SLC14A2: variants seen among roughly 807,000 people sequenced by gnomAD.
SLC14A2 encodes urea transporter 2.
Under a neutral mutation model 104.6 loss-of-function variants are expected in SLC14A2, and 91 were observed. That is an observed-to-expected ratio of 0.87 (90% CI 0.73 to 1.04). The LOEUF (loss-of-function observed/expected upper bound fraction) is 1.04, where lower values mean the gene tolerates loss of function less well. Ranked by LOEUF, SLC14A2 falls within the 50% of genes least tolerant of loss-of-function variation. The probability of loss-of-function intolerance (pLI) is 0.00; values close to 1 mark genes in which losing one functional copy is unlikely to be tolerated. For synonymous variants in SLC14A2, 476 were observed against 466.4 expected (o/e 1.02, Z -0.27); for missense variants, 1,189 against 1,156.0 (o/e 1.03, Z -0.41).
rs527312481 is a variant in SLC14A2, at chr18:45,561,247, C to T, written c.-34-63384C>T. Among the ~76,000 whole-genome samples, 3 of 152,204 alleles carry T rather than the reference C, an allele frequency of 2.0e-5. No homozygotes were observed. The South Asian group carries it at 6.2e-4, about 32-fold the overall frequency. ...AGGAGGGTGAATGAAGGCAACGTGCCTGTCGGGGAGCCAGCTGAAAATCCA... is the reference window on the plus strand; with the variant it reads ...AGGAGGGTGAATGAAGGCAACGTGCTTGTCGGGGAGCCAGCTGAAAATCCA... On this transcript the variant is annotated intron_variant, in intron 2 of 20. Transcript: ENST00000586448.
At chr18:45,178,476 A>C in the SLC14A2 span, among the ~76,000 whole-genome samples, 1 of 152,180 alleles carries the variant, frequency 6.6e-6, no homozygotes, top group East Asian at 1.9e-4. Flanking sequence ...AATTTAGAGA[A>C]CACCTGAGAA....
chr18:45,285,664 C>T (rs1489397281), intron 1 of SLC14A2, among the ~76,000 whole-genome samples: 1 of 66,684 alleles, frequency 1.5e-5, no homozygotes, highest in South Asian at 5.6e-4. Flanking sequence ...GTGATCTGCC[C>T]CCCCCCCCCC....
the SLC14A2 span, among the ~76,000 whole-genome samples, chr18:45,183,906 A>ATTTT: frequency 1.5e-3 from 97 of 62,726 alleles, 9 homozygotes; most frequent in African/African-American, 4.1e-3. Context: ...TAATTTTCTA[A>ATTTT]TTTTTTTTTT....
intron 2 of SLC14A2, among the ~76,000 whole-genome samples, chr18:45,498,988 T>A (rs1193377514): frequency 6.6e-6 from 1 of 152,202 alleles, no homozygotes; most frequent in Non-Finnish European, 1.5e-5. Context: ...CTGTAACCAT[T>A]ACTTGGACCC....
intron 2 of SLC14A2, chr18:45,542,410 A>G (rs759738835): frequency 2.0e-5 from 3 of 152,124 alleles, no homozygotes; most frequent in Non-Finnish European, 2.9e-5. Context: ...TGGCAAAAAA[A>G]TGGAGAAATG....
At chr18:45,360,738 C>G (rs905302033) in intron 1 of SLC14A2, among the ~76,000 whole-genome samples, 1 of 152,204 alleles carries the variant, frequency 6.6e-6, no homozygotes, top group African/African-American at 2.4e-5. Flanking sequence ...CGCTCATGAT[C>G]CTTATCTTTT....
chr18:45,674,009 C>T (rs1341064913), intron 18 of SLC14A2, among the ~76,000 whole-genome samples, 192 bp downstream of exon 18: 4 of 152,186 alleles, frequency 2.6e-5, no homozygotes, highest in Admixed American at 1.3e-4. Context: ...CCTGTGATTG[C>T]TACTCTCCTG....
intron 10 of SLC14A2, among the ~76,000 whole-genome samples, chr18:45,660,430 A>G (rs144178211): frequency 5.8e-4 from 89 of 152,332 alleles, no homozygotes; most frequent in African/African-American, 1.8e-3. Flanking sequence ...CTCCCTCAGG[A>G]GATACCAAAT....
chr18:45,247,439 C>T (rs2084377739), intron 1 of SLC14A2, among the ~76,000 whole-genome samples: 1 of 152,170 alleles, frequency 6.6e-6, no homozygotes, highest in South Asian at 2.1e-4. Flanking sequence ...ACCTAAACAT[C>T]CTTGGGTTCT....
chr18:45,665,688 C>CTTTTTTTTTTTTTTTTTT lies in SLC14A2; in HGVS notation c.1475-438_1475-421dup, dbSNP rs146248418. ...AAGGGCTTCAACAACAACCAAGTTT[C>CTTTTTTTTTTTTTTTTTT]TTTTTTTTTTTTTTTTTTTTTTTTT... On this transcript the variant is annotated intron_variant, in intron 11 of 19. Transcript: ENST00000255226. 7.6e-5 allele frequency among the ~76,000 whole-genome samples: 6 copies of CTTTTTTTTTTTTTTTTTT among 79,302 alleles called. No individual in the cohort carries two copies. In the East Asian group the frequency reaches 1.5e-3, roughly 20 times the overall value. The allele number at this position is 79,302 out of a possible 152,430, so 52.0% of individuals were successfully genotyped here. A position where few individuals can be genotyped will look rare whatever the true frequency, so the allele number is the denominator to read the frequency against.
intron 2 of SLC14A2, among the ~76,000 whole-genome samples, chr18:45,565,996 C>T (rs2044261180): frequency 6.6e-6 from 1 of 152,148 alleles, no homozygotes; most frequent in African/African-American, 2.4e-5. Flanking sequence ...GTTTCAATGG[C>T]AGAGTAGTGG....
At chr18:45,600,000 G>T (rs978138123) in intron 2 of SLC14A2, among the ~76,000 whole-genome samples, 3 of 151,704 alleles carry the variant, frequency 2.0e-5, no homozygotes, top group African/African-American at 7.3e-5. Flanking sequence ...ATGAGATTTG[G>T]GTGGGGACAC....
intron 2 of SLC14A2, among the ~76,000 whole-genome samples, chr18:45,505,884 T>G (rs1568248063): frequency 6.6e-6 from 1 of 152,140 alleles, no homozygotes; most frequent in Non-Finnish European, 1.5e-5. Flanking sequence ...CTGGGATGTG[T>G]GACGGGGCCA....
At chr18:45,344,317 A>C (rs1371597501) in intron 1 of SLC14A2, among the ~76,000 whole-genome samples, 1 of 152,160 alleles carries the variant, frequency 6.6e-6, no homozygotes, top group Non-Finnish European at 1.5e-5. Flanking sequence ...CCACATAAAC[A>C]AAGGGTTCCA....
the SLC14A2 span, among the ~76,000 whole-genome samples, chr18:45,184,675 A>C: frequency 5.3e-4 from 81 of 152,350 alleles, no homozygotes; most frequent in Admixed American, 1.2e-3. Context: ...AATCACATAT[A>C]ATAACTGAAA....
rs2144336856 is a variant in SLC14A2, at chr18:45,364,932, G to C, written c.-124-118301G>C. Among the ~76,000 whole-genome samples, 2 of 152,322 alleles carry C rather than the reference G, an allele frequency of 1.3e-5. 1 individual carries two copies. Among genetic ancestry groups the C allele is most frequent in the South Asian group, 4.1e-4 (2 of 4,830 alleles). On this transcript the variant is annotated intron_variant, in intron 1 of 20. Transcript: ENST00000586448. The stretch of plus-strand genomic sequence containing the variant: ...GACAGTGATCTGAAGCCCAGTTCTA[G>C]CTCCAGATATAAAGAGTAACAGAAC...
the SLC14A2 span, among the ~76,000 whole-genome samples, chr18:45,175,371 A>C: frequency 7.9e-6 from 1 of 125,880 alleles, no homozygotes; most frequent in Non-Finnish European, 1.8e-5. Flanking sequence ...AAGTGTCATA[A>C]TATACTATAT....
intron 10 of SLC14A2, among the ~76,000 whole-genome samples, chr18:45,654,543 T>C (rs2045798027): frequency 6.6e-6 from 1 of 152,184 alleles, no homozygotes; most frequent in Admixed American, 6.5e-5. Flanking sequence ...GAAAGGCTAG[T>C]CTTGCTCTGT....
chr18:45,591,657 G>A (rs974938394), intron 2 of SLC14A2, among the ~76,000 whole-genome samples: 1 of 152,166 alleles, frequency 6.6e-6, no homozygotes, highest in African/African-American at 2.4e-5. Context: ...TTTCTAACAA[G>A]CACCCAGTGC....
Sources: allele counts gnomAD v4.1 joint callset (sites outside exome capture counted in the v4.1 genomes callset), GRCh38; gene constraint gnomAD v4.1.1; transcripts MANE v1.5; gene names NCBI Gene and HGNC (gene_info 2026-07-23, HGNC 2026-07-21).